Variants in WDR43 observed in about 807,000 individuals in gnomAD.
WDR43 encodes WD repeat domain 43, also known as WD repeat-containing protein 43.
In WDR43, 13 loss-of-function variants were observed where a neutral mutation model predicts 91.4. The observed-to-expected ratio is 0.14, with a 90% CI of 0.09 to 0.23. The LOEUF (loss-of-function observed/expected upper bound fraction) is 0.23. Among genes scored for constraint, WDR43 ranks in the 10% least tolerant of loss-of-function variants. The pLI, the probability that WDR43 is intolerant of heterozygous loss-of-function variation, is 1.00. For missense variants in WDR43, 780 were observed against 809.4 expected (o/e 0.96, Z 0.44); for synonymous variants, 331 against 287.9 (o/e 1.15, Z -1.51).
rs11681082 is a variant in WDR43 at position 28,920,228 on chromosome 2, T to C, written c.849+2233T>C. 7.8e-3 allele frequency among the ~76,000 whole-genome samples: 836 copies of C among 106,550 alleles called. 12 individuals are homozygous for C. Among genetic ancestry groups the C allele is most frequent in the African/African-American group, 0.022 (765 of 34,040 alleles). 69.9% of individuals were successfully genotyped at this position (106,550 alleles called of 152,430 possible). A position where few individuals can be genotyped will look rare whatever the true frequency, so the allele number is the denominator to read the frequency against. On this transcript the variant is annotated intron_variant, in intron 6 of 17. Coordinates refer to ENST00000407426, the MANE Select transcript of WDR43 (RefSeq NM_015131.3). ...AAAAATAAATTTTTTTTCTTTCTTT[T>C]TTTTTTTTTTTTTTTGAGACAGAGT...
rs190825215 is a variant in WDR43, at chr2:28,913,137, G to C, written c.606+427G>C. On this transcript the variant is annotated intron_variant, in intron 4 of 17. Coordinates refer to ENST00000407426, the MANE Select transcript of WDR43 (RefSeq NM_015131.3). ...CGTGGCTAATTTTTTGTATTTTTTAGTAGAGACAGGGTTTCACCGTGTTAG... is the reference window on the plus strand; with the variant it reads ...CGTGGCTAATTTTTTGTATTTTTTACTAGAGACAGGGTTTCACCGTGTTAG... Among the ~76,000 whole-genome samples the C allele has an allele frequency of 4.3e-3, 654 of 151,690 alleles. 7 individuals carry two copies. The highest frequency in any genetic ancestry group is 0.015 in the African/African-American group (612 of 41,338).
intron 10 of WDR43, among the ~76,000 whole-genome samples, chr2:28,928,343 A>C (rs1671181505): frequency 6.6e-6 from 1 of 151,934 alleles, no homozygotes; most frequent in Admixed American, 6.6e-5. Flanking sequence ...AGGATAATTT[A>C]GCTGATTTTA....
chr2:28,935,747 CAA>C (rs58846266), intron 12 of WDR43, 140 bp downstream of exon 12: 6,075 of 242,888 alleles, frequency 0.025, 172 homozygotes, highest in African/African-American at 0.13. Context: ...GTACTTTAGA[CAA>C]AAAAAAAAAA....
At position 28,942,300 on chromosome 2, in the gene WDR43, A is replaced by G; in HGVS notation, c.1735-12A>G. ...ACACTCTACTTCAGAACAGTACTTT[A>G]TCTTCTTCCAGGTAACAGCATCAGA... On this transcript the variant is annotated splice_polypyrimidine_tract_variant and intron_variant, in intron 15 of 17. Coordinates refer to ENST00000407426, the MANE Select transcript of WDR43 (RefSeq NM_015131.3). The G allele has an allele frequency of 6.2e-7, 1 of 1,610,654 alleles. No homozygotes were observed. Among genetic ancestry groups the G allele is most frequent in the East Asian group, 2.2e-5 (1 of 44,820 alleles).
intron 2 of WDR43, chr2:28,904,898 C>A (rs1262686997): frequency 6.6e-6 from 1 of 152,094 alleles, no homozygotes; most frequent in African/African-American, 2.4e-5. Context: ...TTTATTCCTG[C>A]AAGATTTTAA....
intron 11 of WDR43, among the ~76,000 whole-genome samples, chr2:28,934,029 A>G (rs554243882): frequency 1.3e-5 from 2 of 152,356 alleles, no homozygotes; most frequent in East Asian, 1.9e-4. Context: ...AGACTTCCTC[A>G]TGAATGTTCT....
chr2:28,934,254 G>T (rs191648701), intron 11 of WDR43, among the ~76,000 whole-genome samples: 13 of 152,274 alleles, frequency 8.5e-5, no homozygotes, highest in African/African-American at 3.1e-4. Flanking sequence ...ACATAGTTCA[G>T]TAGCTGCCTG....
chr2:28,901,688 A>G (rs1011627401), intron 1 of WDR43, among the ~76,000 whole-genome samples: 1 of 152,212 alleles, frequency 6.6e-6, no homozygotes, highest in South Asian at 2.1e-4. Context: ...TGTTTCTGAG[A>G]AGTGGAAACA....
At chr2:28,944,754 G>A (rs138365900) in intron 16 of WDR43, among the ~76,000 whole-genome samples, 4 of 152,298 alleles carry the variant, frequency 2.6e-5, no homozygotes, top group South Asian at 2.1e-4. Context: ...CATAAGCTCC[G>A]CGATACTGCA....
chr2:28,910,562 T>C (rs972470921), intron 3 of WDR43, among the ~76,000 whole-genome samples: 1 of 151,886 alleles, frequency 6.6e-6, no homozygotes, highest in Non-Finnish European at 1.5e-5. Flanking sequence ...CTTTTTCTTA[T>C]TGATATGAAG....
At chr2:28,908,573 G>C (rs1458577571) in intron 3 of WDR43, among the ~76,000 whole-genome samples, 2 of 150,322 alleles carry the variant, frequency 1.3e-5, no homozygotes. Flanking sequence ...ACACGTGTGC[G>C]TTTTATTGTA....
At chr2:28,895,199 G>T (rs774366767) in intron 1 of WDR43, 1 of 317,560 alleles carries the variant, frequency 3.1e-6, no homozygotes. Context: ...TTGACGGGCA[G>T]CCATGTTCGC....
At chr2:28,912,915 A>G (rs1188254471) in intron 4 of WDR43, among the ~76,000 whole-genome samples, 1 of 151,862 alleles carries the variant, frequency 6.6e-6, no homozygotes, top group Non-Finnish European at 1.5e-5. Context: ...ACGTATTGGA[A>G]AAATGAACAG....
At chr2:28,900,529 A>G (rs527275525) in intron 1 of WDR43, among the ~76,000 whole-genome samples, 3 of 152,314 alleles carry the variant, frequency 2.0e-5, no homozygotes, top group South Asian at 2.1e-4. Context: ...CTGAGATGGT[A>G]CTAGGTTAAT....
At chr2:28,942,219 A>G in intron 15 of WDR43, 93 bp from the exon 16 acceptor site, 1 of 1,236,618 alleles carries the variant, frequency 8.1e-7, no homozygotes, top group South Asian at 1.3e-5. Context: ...GTGAGTTAGC[A>G]GCAAGCAGTG....
At position 28,925,050 on chromosome 2, in the gene WDR43, C is replaced by T. The variant is rs757287519; in HGVS notation, c.983C>T (p.Ser328Leu). ...QIATPGKGKK[S>L]TPKPIPILAA... ...GCAACACCTGGGAAAGGCAAGAAGT[C>T]AACACCAAAACCCATCCCTATTCTA... is the stretch of plus-strand genomic sequence containing the variant. The change falls in exon 8 of 18, where the codon TCA becomes TTA. Residue 328 changes from serine to leucine, a missense_variant. Around this residue, in one of 4 missense-constraint regions of WDR43, gnomAD observed 426 missense variants for 467.8 expected, o/e 0.91. Coordinates refer to ENST00000407426, the MANE Select transcript of WDR43 (RefSeq NM_015131.3). 1.9e-6 allele frequency: 3 copies of T among 1,613,926 alleles called. No individual in the cohort carries two copies. Among genetic ancestry groups the T allele is most frequent in the Admixed American group, 3.3e-5 (2 of 60,004 alleles).
chr2:28,941,862 T>A (rs1671443640), intron 15 of WDR43, among the ~76,000 whole-genome samples: 1 of 152,196 alleles, frequency 6.6e-6, no homozygotes. Flanking sequence ...CCCAAAGTGC[T>A]GGAATTACAG....
intron 2 of WDR43, among the ~76,000 whole-genome samples, chr2:28,902,416 A>G (rs1670594764): frequency 6.6e-6 from 1 of 152,178 alleles, no homozygotes. Context: ...GCAGCTCCCC[A>G]CCTCTTGACC....
intron 13 of WDR43, among the ~76,000 whole-genome samples, chr2:28,937,534 G>C (rs1021982846): frequency 3.3e-5 from 5 of 152,028 alleles, no homozygotes; most frequent in Non-Finnish European, 5.9e-5. Flanking sequence ...GCCTTTTAAT[G>C]TTAATGGAGG....
Sources: allele counts gnomAD v4.1 joint callset (sites outside exome capture counted in the v4.1 genomes callset), GRCh38; gene constraint gnomAD v4.1.1; regional missense constraint gnomAD v4.1.1; transcripts MANE v1.5; gene names NCBI Gene and HGNC (gene_info 2026-07-23, HGNC 2026-07-21).